The following TEAD1 variants were observed in gnomAD, a reference collection of about 807,000 sequenced individuals.
TEAD1 encodes the protein transcriptional enhancer factor TEF-1.
Under a neutral mutation model 54.9 loss-of-function variants are expected in TEAD1, and 9 were observed. That is an observed-to-expected ratio of 0.16 (90% CI 0.10 to 0.29). The LOEUF (loss-of-function observed/expected upper bound fraction) is 0.29, where lower values mean the gene tolerates loss of function less well. Among genes scored for constraint, TEAD1 ranks in the 10% least tolerant of loss-of-function variants. TEAD1 has a pLI of 1.00. For synonymous variants in TEAD1, 200 were observed against 187.8 expected (o/e 1.07, Z -0.53); for missense variants, 387 against 535.9 (o/e 0.72, Z 2.74).
At chr11:12,871,225 C>T (rs757524705) in intron 5 of TEAD1, among the ~76,000 whole-genome samples, 20 of 152,210 alleles carry the variant, frequency 1.3e-4, no homozygotes, top group Non-Finnish European at 2.2e-4. Flanking sequence ...CCAGCTGCAG[C>T]GACAGCAGTG....
intron 3 of TEAD1, among the ~76,000 whole-genome samples, chr11:12,850,668 T>G (rs753990964): frequency 2.0e-5 from 3 of 152,126 alleles, no homozygotes; most frequent in Non-Finnish European, 4.4e-5. Context: ...AAACCAGAAA[T>G]CGGCAGCATT....
At chr11:12,820,980 G>A (rs2134002756) in intron 3 of TEAD1, among the ~76,000 whole-genome samples, 1 of 152,340 alleles carries the variant, frequency 6.6e-6, no homozygotes, top group Non-Finnish European at 1.5e-5. Flanking sequence ...AGTGTTTGCA[G>A]CACTTTGGGG....
chr11:12,735,389 T>A (rs1944509282), intron 2 of TEAD1, among the ~76,000 whole-genome samples: 1 of 152,212 alleles, frequency 6.6e-6, no homozygotes, highest in African/African-American at 2.4e-5. Context: ...AAAGAAATCT[T>A]ATCCCACTGC....
chr11:12,873,132 C>T (rs574721931), intron 5 of TEAD1, among the ~76,000 whole-genome samples: 73 of 152,298 alleles, frequency 4.8e-4, no homozygotes, highest in Non-Finnish European at 8.7e-4. Flanking sequence ...TGCATTGTCT[C>T]CCTCCACTGA....
At chr11:12,809,381 C>G (rs1214508240) in intron 3 of TEAD1, among the ~76,000 whole-genome samples, 1 of 152,160 alleles carries the variant, frequency 6.6e-6, no homozygotes, top group Non-Finnish European at 1.5e-5. Context: ...CATTGCTGTC[C>G]CCATTGACAG....
intron 3 of TEAD1, among the ~76,000 whole-genome samples, chr11:12,792,027 C>T (rs1945813423): frequency 1.3e-5 from 2 of 152,112 alleles, no homozygotes. Context: ...GATAGGTGGG[C>T]ACTTAGAAGT....
intron 2 of TEAD1, among the ~76,000 whole-genome samples, chr11:12,681,777 T>C (rs1418349982): frequency 2.0e-5 from 3 of 152,262 alleles, no homozygotes; most frequent in Non-Finnish European, 2.9e-5. Context: ...TCCCGCTGCC[T>C]GCGTGTTCTC....
intron 2 of TEAD1, among the ~76,000 whole-genome samples, chr11:12,716,281 C>G (rs890588873): frequency 4.6e-5 from 7 of 152,114 alleles, no homozygotes; most frequent in African/African-American, 1.7e-4. Context: ...TGTCTTAGAA[C>G]AGGTAGGTGT....
intron 10 of TEAD1, among the ~76,000 whole-genome samples, chr11:12,904,581 T>G (rs1309894032): frequency 3.3e-5 from 5 of 152,216 alleles, no homozygotes; most frequent in South Asian, 4.1e-4. Context: ...ATGACCACTG[T>G]TATCTGAGGA....
chr11:12,878,642 T>G (rs2134092830), intron 5 of TEAD1, among the ~76,000 whole-genome samples: 1 of 152,178 alleles, frequency 6.6e-6, no homozygotes, highest in Admixed American at 6.5e-5. Flanking sequence ...AGTTTTTTAT[T>G]GTTGCTGTTG....
At chr11:12,903,666 G>C (rs1467349355) in intron 10 of TEAD1, among the ~76,000 whole-genome samples, 3 of 152,150 alleles carry the variant, frequency 2.0e-5, no homozygotes, top group African/African-American at 7.2e-5. Context: ...TACAAAATTA[G>C]TCAGGCGTGG....
At chr11:12,793,975 T>C (rs564726561) in intron 3 of TEAD1, among the ~76,000 whole-genome samples, 1 of 152,382 alleles carries the variant, frequency 6.6e-6, no homozygotes, top group East Asian at 1.9e-4. Context: ...AAGTGGATAA[T>C]GGAAGCAGCT....
At position 12,939,279 on chromosome 11, in the gene TEAD1, A is replaced by C. The variant is rs75402175; in HGVS notation, c.*2057A>C. 141 of 152,326 alleles carry C rather than the reference A, an allele frequency of 9.3e-4. No individual in the cohort carries two copies. The highest frequency in any genetic ancestry group is 3.4e-3 in the African/African-American group (140 of 41,552). 9.4% of individuals were successfully genotyped at this position (152,326 alleles called of 1,614,324 possible). A position where few individuals can be genotyped will look rare whatever the true frequency, so the allele number is the denominator to read the frequency against. On this transcript the variant is annotated 3_prime_UTR_variant, in exon 13 of 13. Transcript: ENST00000527636. ...CCCCTTTCACGGTTGTCACATTTAC[A>C]GTGACTTCTGTTGAACACCCCTCTT... is the stretch of plus-strand genomic sequence containing the variant.
rs143323592 is a variant in TEAD1 at position 12,689,847 on chromosome 11, A to G, written c.-55+14286A>G. On this transcript the variant is annotated intron_variant, in intron 2 of 12. Transcript: ENST00000527636. ...ATTTGGAAGCAATCCTAGTTGTCATACCGTTTCATCTGTAAATTAGTACAT... is the reference window on the plus strand; with the variant it reads ...ATTTGGAAGCAATCCTAGTTGTCATGCCGTTTCATCTGTAAATTAGTACAT... 1.2e-4 allele frequency among the ~76,000 whole-genome samples: 19 copies of G among 152,148 alleles called. No individual in the cohort carries two copies. In the East Asian group the frequency reaches 2.3e-3, roughly 19 times the overall value.
chr11:12,722,151 A>G (rs1451230430), intron 2 of TEAD1, among the ~76,000 whole-genome samples: 3 of 152,222 alleles, frequency 2.0e-5, no homozygotes, highest in Non-Finnish European at 4.4e-5. Flanking sequence ...CAGTTTAAGG[A>G]GGAAACTATT....
intron 2 of TEAD1, among the ~76,000 whole-genome samples, chr11:12,730,463 C>G (rs1016258586): frequency 8.2e-6 from 1 of 121,694 alleles, no homozygotes; most frequent in Admixed American, 1.0e-4. Context: ...TTCCATTTGG[C>G]TCCAGTTTGG....
At chr11:12,783,190 GC>G (rs371245064) in intron 3 of TEAD1, among the ~76,000 whole-genome samples, 1 of 122,780 alleles carries the variant, frequency 8.1e-6, no homozygotes, top group Admixed American at 7.6e-5. Context: ...TAGTTTTTGT[GC>G]CTTTTTTTTT....
intron 2 of TEAD1, among the ~76,000 whole-genome samples, chr11:12,760,401 G>C (rs1419820355): frequency 6.6e-6 from 1 of 152,202 alleles, no homozygotes; most frequent in Non-Finnish European, 1.5e-5. Context: ...AGTTGCGGTA[G>C]TTTGAGTTCC....
chr11:12,852,961 C>T (rs1176331752), intron 3 of TEAD1, among the ~76,000 whole-genome samples: 1 of 152,156 alleles, frequency 6.6e-6, no homozygotes, highest in Non-Finnish European at 1.5e-5. Context: ...GCCATCATTC[C>T]CCTCATATAC....
Sources: gnomAD v4.1 joint callset for allele counts (sites outside exome capture counted in the v4.1 genomes callset) on GRCh38, gnomAD v4.1.1 for gene constraint, MANE v1.5 for transcripts, NCBI Gene and HGNC (gene_info 2026-07-23, HGNC 2026-07-21) for gene names.